Variants in GFRA1 observed in about 807,000 individuals in gnomAD.
GFRA1 encodes the protein GDNF family receptor alpha-1.
GFRA1 carries 16 observed loss-of-function variants against 51.6 expected under a neutral mutation model. The observed-to-expected ratio is 0.31, with a 90% CI of 0.21 to 0.47. The LOEUF is 0.47. Among genes scored for constraint, GFRA1 ranks in the 20% least tolerant of loss-of-function variants. The pLI is 1.00. For synonymous variants in GFRA1, 270 were observed against 241.3 expected, an observed-to-expected ratio of 1.12 and a Z score of -1.10; for missense variants, 530 against 594.3, an observed-to-expected ratio of 0.89 and a Z score of 1.13.
chr10:116,078,431 C>T (rs1392083695), intron 9 of GFRA1, among the ~76,000 whole-genome samples: 2 of 152,160 alleles, frequency 1.3e-5, no homozygotes, highest in Non-Finnish European at 2.9e-5. Context: ...GTAGCCTGTC[C>T]ATGCTGGGAG....
At chr10:116,102,575 G>T (rs181996326) in intron 6 of GFRA1, among the ~76,000 whole-genome samples, 1 of 152,170 alleles carries the variant, frequency 6.6e-6, no homozygotes, top group Non-Finnish European at 1.5e-5. Flanking sequence ...CACATGGTGC[G>T]GAGGTCTCAC....
At chr10:116,090,050 T>C in intron 8 of GFRA1, 128 bp from the exon 9 acceptor site, 2 of 864,642 alleles carry the variant, frequency 2.3e-6, no homozygotes, top group Non-Finnish European at 3.7e-6. Context: ...ACAAAACGCA[T>C]CCATCCATTT....
rs372028199 is a variant in GFRA1, at chr10:116,096,646, G to T, written c.880+9C>A. Reference sequence around the variant, plus strand: ...ACTCTTCTCCCATCCTGCTTCTCTCGGATCTTACCAATAAGCCCCGAGTAG... The same window carrying T: ...ACTCTTCTCCCATCCTGCTTCTCTCTGATCTTACCAATAAGCCCCGAGTAG... On this transcript the variant is annotated intron_variant, in intron 7 of 10. Coordinates refer to ENST00000355422, the MANE Select transcript of GFRA1 (RefSeq NM_005264.8). The T allele has an allele frequency of 2.7e-6, 4 of 1,477,464 alleles. No homozygotes were observed. The highest frequency in any genetic ancestry group is 4.5e-5 in the East Asian group (2 of 44,196). 91.5% of individuals were successfully genotyped at this position (1,477,464 alleles called of 1,614,324 possible).
At chr10:116,156,678 A>C (rs1275394754) in intron 5 of GFRA1, among the ~76,000 whole-genome samples, 1 of 152,228 alleles carries the variant, frequency 6.6e-6, no homozygotes, top group African/African-American at 2.4e-5. Flanking sequence ...CAAAAATATA[A>C]ATCATGTTAA....
intron 5 of GFRA1, among the ~76,000 whole-genome samples, chr10:116,199,521 T>C (rs1351106861): frequency 6.6e-6 from 1 of 152,248 alleles, no homozygotes; most frequent in Non-Finnish European, 1.5e-5. Context: ...ACTCTACCAC[T>C]AATGTTGCTT....
At chr10:116,067,047 A>G (rs575925283) in intron 9 of GFRA1, among the ~76,000 whole-genome samples, 33 of 152,362 alleles carry the variant, frequency 2.2e-4, no homozygotes, top group Admixed American at 9.1e-4. Flanking sequence ...TATGAAATAG[A>G]AACCTTTAAA....
At chr10:116,082,945 TCC>T (rs1041582714) in intron 9 of GFRA1, among the ~76,000 whole-genome samples, 2 of 152,178 alleles carry the variant, frequency 1.3e-5, no homozygotes, top group African/African-American at 4.8e-5. Flanking sequence ...GGAGGCCACT[TCC>T]CCCAGTCCAA....
intron 5 of GFRA1, among the ~76,000 whole-genome samples, chr10:116,195,047 T>C (rs1486757864): frequency 1.3e-5 from 2 of 152,198 alleles, no homozygotes; most frequent in Non-Finnish European, 2.9e-5. Context: ...TGTAAATGAA[T>C]GGGTGTGGCT....
chr10:116,093,818 T>C lies in GFRA1; in HGVS notation c.899A>G (p.Asn300Ser). ...ACTGAGGCTACTGGAGTCTATGTAG[T>C]TGGGGGTCATGACTGTGCCTAAAAG... ...SGLIGTVMTP[N>S]YIDSSSLSVA... Residue 300 changes from asparagine (N) to serine (S), a missense_variant, in exon 8 of 11, where the codon AAC (asparagine) becomes AGC (serine). By Grantham distance (46) the Asn-to-Ser change is conservative. Coordinates refer to ENST00000355422, the MANE Select transcript of GFRA1 (RefSeq NM_005264.8). 1 of 1,614,082 alleles carries C rather than the reference T, an allele frequency of 6.2e-7. No homozygotes were observed. The highest frequency in any genetic ancestry group is 8.5e-7 in the Non-Finnish European group (1 of 1,179,936).
intron 9 of GFRA1, among the ~76,000 whole-genome samples, chr10:116,066,618 T>A (rs1589759397): frequency 6.6e-6 from 1 of 152,302 alleles, no homozygotes; most frequent in East Asian, 1.9e-4. Context: ...AGTGACTAAT[T>A]CAAGGTCACA....
At chr10:116,180,456 G>A (rs1451654505) in intron 5 of GFRA1, among the ~76,000 whole-genome samples, 2 of 152,030 alleles carry the variant, frequency 1.3e-5, no homozygotes, top group Admixed American at 6.5e-5. Context: ...CAACTCTCTT[G>A]CTCATTATTC....
At chr10:116,216,490 A>G (rs993408421) in intron 4 of GFRA1, among the ~76,000 whole-genome samples, 1 of 152,248 alleles carries the variant, frequency 6.6e-6, no homozygotes. Flanking sequence ...TATTATTACA[A>G]TATCACACTT....
chr10:116,139,222 A>G (rs999928632), intron 5 of GFRA1, among the ~76,000 whole-genome samples: 1 of 152,176 alleles, frequency 6.6e-6, no homozygotes, highest in African/African-American at 2.4e-5. Context: ...TTTTGCACCA[A>G]CCTAATAGAA....
intron 6 of GFRA1, among the ~76,000 whole-genome samples, chr10:116,098,233 T>C (rs531130644): frequency 1.2e-4 from 19 of 152,342 alleles, no homozygotes; most frequent in African/African-American, 3.8e-4. Flanking sequence ...GACAGGGCCA[T>C]GTGCCGAAGC....
chr10:116,236,348 C>A (rs1966877334), intron 4 of GFRA1, among the ~76,000 whole-genome samples: 1 of 152,064 alleles, frequency 6.6e-6, no homozygotes, highest in Non-Finnish European at 1.5e-5. Context: ...GAGAAAGGTG[C>A]CTGAGGTGGA....
chr10:116,091,998 T>G (rs1956359057), intron 8 of GFRA1, among the ~76,000 whole-genome samples: 1 of 152,144 alleles, frequency 6.6e-6, no homozygotes, highest in Admixed American at 6.5e-5. Flanking sequence ...ATGAGCAAAA[T>G]CTTTTCTTGC....
At chr10:116,211,287 G>A (rs1474197144) in intron 5 of GFRA1, among the ~76,000 whole-genome samples, 1 of 152,144 alleles carries the variant, frequency 6.6e-6, no homozygotes, top group African/African-American at 2.4e-5. Flanking sequence ...ACGGACAGTG[G>A]CCTTCCCCCA....
At chr10:116,081,095 C>A (rs1955829892) in intron 9 of GFRA1, among the ~76,000 whole-genome samples, 1 of 152,188 alleles carries the variant, frequency 6.6e-6, no homozygotes, top group Non-Finnish European at 1.5e-5. Context: ...GGTCTTGTAG[C>A]ACTTTCCTGA....
At chr10:116,133,004 T>A (rs1958170180) in intron 5 of GFRA1, among the ~76,000 whole-genome samples, 1 of 152,122 alleles carries the variant, frequency 6.6e-6, no homozygotes, top group Admixed American at 6.5e-5. Context: ...GAGCTCAGCA[T>A]TAAAATGTTG....
Sources: allele counts gnomAD v4.1 joint callset (sites outside exome capture counted in the v4.1 genomes callset), GRCh38; gene constraint gnomAD v4.1.1; transcripts MANE v1.5; gene names NCBI Gene and HGNC (gene_info 2026-07-23, HGNC 2026-07-21).